PKHD1L1: variants seen among roughly 807,000 people sequenced by gnomAD.
PKHD1L1 encodes the protein fibrocystin-L.
PKHD1L1 carries 434 observed loss-of-function variants against 462.9 expected under a neutral mutation model. That is an observed-to-expected ratio of 0.94 (90% confidence interval 0.87 to 1.02). PKHD1L1 has a LOEUF of 1.02. Ranked by LOEUF, PKHD1L1 falls within the 50% of genes least tolerant of loss-of-function variation. PKHD1L1 has a pLI of 0.00. For missense variants in PKHD1L1, 5,202 were observed against 5,096.1 expected, an observed-to-expected ratio of 1.02 and a Z score of -0.63; for synonymous variants, 1,781 against 1,750.0, an observed-to-expected ratio of 1.02 and a Z score of -0.44.
chr8:109,433,464 TC>T (rs1166092630), intron 28 of PKHD1L1, among the ~76,000 whole-genome samples: 1 of 152,112 alleles, frequency 6.6e-6, no homozygotes, highest in African/African-American at 2.4e-5. Flanking sequence ...TTATCCTTTT[TC>T]CCCCCTTCAT....
intron 2 of PKHD1L1, 84 bp from the exon 3 acceptor site, chr8:109,381,286 G>A: frequency 2.7e-6 from 3 of 1,099,052 alleles, no homozygotes; most frequent in Non-Finnish European, 2.7e-6. Flanking sequence ...ATCATTTACT[G>A]CATGATTTGA....
Position 109,464,436 on chromosome 8 carries a change from G to A in PKHD1L1, c.7604G>A (p.Gly2535Asp), listed in dbSNP as rs371108782. Residue 2535 changes from glycine (G) to aspartate (D), a missense_variant, in exon 49 of 78, where the codon GGC becomes GAC. Around this residue, in one of 3 missense-constraint regions of PKHD1L1, gnomAD observed 4,497 missense variants for 4,336.8 expected, o/e 1.04. Transcript: ENST00000378402. ...AFFIEDGIEH[G>D]NILQYNLAVF... ...TTTATAGAAGATGGTATTGAACATG[G>A]CAATATCCTCCAGTATAACTTGGCA... 1.9e-6 allele frequency: 3 copies of A among 1,613,524 alleles called. No homozygotes were observed. The highest frequency in any genetic ancestry group is 2.7e-5 in the African/African-American group (2 of 74,980).
rs1205174387 is a variant in PKHD1L1, at chr8:109,471,054, C to A, written c.8606-4064C>A. The stretch of plus-strand genomic sequence containing the variant: ...ATACAGGCCACATTAACACCTTCTG[C>A]GATGAAATCTTCTCCTCAAATTCCT... On this transcript the variant is annotated intron_variant, in intron 50 of 77. Coordinates refer to ENST00000378402, the MANE Select transcript of PKHD1L1 (RefSeq NM_177531.6). 14 of 1,587,720 alleles carry A rather than the reference C, an allele frequency of 8.8e-6. 1 individual carries two copies. In the Admixed American group the frequency reaches 2.2e-4, roughly 25 times the overall value.
rs541015279 is a variant in PKHD1L1, at chr8:109,448,507, TG to T, written c.6025+117del. 3,211 of 1,217,398 alleles carry T rather than the reference TG, an allele frequency of 2.6e-3. 2 individuals are homozygous for T. The highest frequency in any genetic ancestry group is 3.1e-3 in the Non-Finnish European group (2,906 of 924,170). The allele number at this position is 1,217,398 out of a possible 1,614,324, so 75.4% of individuals were successfully genotyped here. ...CACATAAAATTTCTAGTGTTTTTTT[TG>T]TTTGTTTGGTTTTTTTTTTTTGAGA... On this transcript the variant is annotated intron_variant, in intron 39 of 77. Coordinates refer to ENST00000378402, the MANE Select transcript of PKHD1L1 (RefSeq NM_177531.6).
chr8:109,499,886 C>G (rs1240822768), intron 67 of PKHD1L1, among the ~76,000 whole-genome samples: 2 of 152,174 alleles, frequency 1.3e-5, no homozygotes, highest in Non-Finnish European at 2.9e-5. Flanking sequence ...GTTAAAATTG[C>G]CACGGAGTTG....
chr8:109,387,885 C>T (rs951337095), intron 6 of PKHD1L1, among the ~76,000 whole-genome samples: 1 of 152,150 alleles, frequency 6.6e-6, no homozygotes, highest in Non-Finnish European at 1.5e-5. Flanking sequence ...CAGTCACCTG[C>T]CAGCCTCCAA....
At chr8:109,487,952 G>GGAAA (rs1818641160) in intron 59 of PKHD1L1, among the ~76,000 whole-genome samples, 2 of 132,442 alleles carry the variant, frequency 1.5e-5, no homozygotes, top group Admixed American at 1.5e-4. Flanking sequence ...AAAGAAGGAA[G>GGAAA]GAAGGAAGGA....
intron 9 of PKHD1L1, among the ~76,000 whole-genome samples, chr8:109,393,311 T>G (rs950662878): frequency 6.6e-5 from 10 of 152,214 alleles, no homozygotes; most frequent in African/African-American, 2.2e-4. Context: ...TTTTAGATTC[T>G]AATTCAGTGT....
At chr8:109,407,878 T>C (rs1321241490) in intron 17 of PKHD1L1, among the ~76,000 whole-genome samples, 171 bp from the exon 18 acceptor site, 2 of 152,132 alleles carry the variant, frequency 1.3e-5, no homozygotes, top group African/African-American at 4.8e-5. Context: ...CTGCTCAAAT[T>C]TTAAGGATCT....
At chr8:109,484,180 T>C (rs748299523) in intron 57 of PKHD1L1, among the ~76,000 whole-genome samples, 3 of 151,906 alleles carry the variant, frequency 2.0e-5, no homozygotes, top group Admixed American at 6.6e-5. Context: ...TATCATCTAC[T>C]TACAATATGT....
At chr8:109,448,045 G>A in intron 38 of PKHD1L1, 98 bp from the exon 39 acceptor site, 1 of 1,104,540 alleles carries the variant, frequency 9.1e-7, no homozygotes, top group South Asian at 1.7e-5. Flanking sequence ...TAAAACACTG[G>A]TTATTCTTTT....
chr8:109,481,164 T>C lies in PKHD1L1; in HGVS notation c.9328-269T>C, dbSNP rs376081855. Among the ~76,000 whole-genome samples the C allele has an allele frequency of 1.4e-4, 22 of 152,056 alleles. No individual in the cohort carries two copies. In the East Asian group the frequency reaches 4.3e-3, roughly 29 times the overall value. On this transcript the variant is annotated intron_variant, in intron 55 of 77. Coordinates refer to ENST00000378402, the MANE Select transcript of PKHD1L1 (RefSeq NM_177531.6). ...TACTTTCAAATACATTATGGTCTGT[T>C]CAAACACCACTAGTTTAGGTCTTAT... is the stretch of plus-strand genomic sequence containing the variant.
chr8:109,362,672 T>G lies in PKHD1L1; in HGVS notation c.73+19T>G, dbSNP rs745308442. On this transcript the variant is annotated intron_variant, in intron 1 of 77. Transcript: ENST00000378402. ...AGCACAGGTAACCCTTTGGGCACGC[T>G]AGGCAGGCAAGCAGGAGAGGCCCGC... 6 of 1,583,934 alleles carry G rather than the reference T, an allele frequency of 3.8e-6. No individual in the cohort carries two copies. The highest frequency in any genetic ancestry group is 5.2e-6 in the Non-Finnish European group (6 of 1,164,504).
chr8:109,521,105 A>G (rs1354015108), intron 73 of PKHD1L1, among the ~76,000 whole-genome samples: 1 of 152,174 alleles, frequency 6.6e-6, no homozygotes, highest in Non-Finnish European at 1.5e-5. Context: ...AAAGAGTCTG[A>G]GTCATCCAAA....
Position 109,518,247 on chromosome 8 carries a change from G to A in PKHD1L1, c.11770G>A (p.Val3924Ile). The change falls in exon 73 of 78, where the codon GTT becomes ATT. Residue 3924 changes from valine (V) to isoleucine (I), a missense_variant. Val to Ile is a conservative substitution (Grantham distance 29, BLOSUM62 3). Coordinates refer to ENST00000378402, the MANE Select transcript of PKHD1L1 (RefSeq NM_177531.6). ...DGTYQMLYLLVKGTIPVEIHT... is the reference protein window; with the variant it reads ...DGTYQMLYLLIKGTIPVEIHT... ...AACCTACCAGATGCTTTATCTTTTG[G>A]TTAAAGGAACTATACCTGTTGAAAT... The A allele has an allele frequency of 1.2e-6, 2 of 1,611,164 alleles. No homozygotes were observed. Among genetic ancestry groups the A allele is most frequent in the Non-Finnish European group, 1.7e-6 (2 of 1,177,716 alleles).
At chr8:109,449,561 T>C (rs1816367904) in intron 40 of PKHD1L1, 74 bp downstream of exon 40, 3 of 1,350,724 alleles carry the variant, frequency 2.2e-6, no homozygotes, top group Non-Finnish European at 2.9e-6. Flanking sequence ...ATTTCTTTTT[T>C]CAAGTTCTTG....
intron 68 of PKHD1L1, among the ~76,000 whole-genome samples, chr8:109,507,404 A>G (rs907629339): frequency 6.6e-6 from 1 of 152,162 alleles, no homozygotes; most frequent in Non-Finnish European, 1.5e-5. Context: ...GAAAAGTGGA[A>G]TTCTGATTTT....
intron 2 of PKHD1L1, among the ~76,000 whole-genome samples, chr8:109,379,171 C>A (rs1811986684): frequency 6.6e-6 from 1 of 152,142 alleles, no homozygotes; most frequent in African/African-American, 2.4e-5. Flanking sequence ...GGCTACCACT[C>A]CTCAAAAAGT....
Position 109,382,560 on chromosome 8 carries a change from T to A in PKHD1L1, c.406T>A (p.Cys136Ser). 6.2e-7 allele frequency: 1 copy of A among 1,610,094 alleles called. No homozygotes were observed. The highest frequency in any genetic ancestry group is 8.5e-7 in the Non-Finnish European group (1 of 1,177,766). ...CAAAGGTCACATCAACAGCTGGGAA[T>A]GTACCTTCAACGTATGTAGGAATCT... ...TCKGHINSWE[C>S]TFNAKSFRTP... Residue 136 changes from cysteine (C) to serine (S), a missense_variant, in exon 4 of 78, where the codon TGT (cysteine) becomes AGT (serine). By Grantham distance (112) the Cys-to-Ser change is moderately radical. Transcript: ENST00000378402.
Sources: gnomAD v4.1 joint callset for allele counts (sites outside exome capture counted in the v4.1 genomes callset) on GRCh38, gnomAD v4.1.1 for gene constraint, gnomAD v4.1.1 regional missense constraint, MANE v1.5 for transcripts, NCBI Gene and HGNC (gene_info 2026-07-23, HGNC 2026-07-21) for gene names.